Variants in COLEC12 observed in about 807,000 individuals in gnomAD.
COLEC12 encodes collectin-12.
COLEC12 carries 33 observed loss-of-function variants against 71.1 expected under a neutral mutation model. The observed-to-expected ratio is 0.46, with a 90% confidence interval of 0.35 to 0.62. The LOEUF is 0.62. Ranked by LOEUF, COLEC12 falls within the 20% of genes least tolerant of loss-of-function variation. COLEC12 has a pLI of 0.00. For missense variants in COLEC12, 765 were observed against 916.1 expected (o/e 0.84, Z 2.13); for synonymous variants, 350 against 353.0 (o/e 0.99, Z 0.10).
Position 348,106 on chromosome 18 carries a change from T to A in COLEC12, c.239A>T (p.Asp80Val). The change falls in exon 4 of 10, where the codon GAT (aspartate) becomes GTT (valine). Residue 80 changes from aspartate to valine, a missense_variant. Physicochemically the swap from Asp to Val is radical, Grantham distance 152. Transcript: ENST00000400256. ...ACTTTCCACTGCTGTGAGCTTGTCA[T>A]CATAGGTTTGGCGAGATGTTTCCAT... is the stretch of plus-strand genomic sequence containing the variant. ...GGMETSRQTY[D>V]DKLTAVESDL... 1.9e-6 allele frequency: 3 copies of A among 1,614,050 alleles called. No homozygotes were observed. Among genetic ancestry groups the A allele is most frequent in the Non-Finnish European group, 2.5e-6 (3 of 1,179,928 alleles).
intron 2 of COLEC12, among the ~76,000 whole-genome samples, chr18:403,690 AG>A: frequency 6.6e-6 from 1 of 152,348 alleles, no homozygotes; most frequent in Admixed American, 6.5e-5. Context: ...TACCTCCATT[AG>A]GTAACCTAAG....
At chr18:388,027 A>G (rs1037403312) in intron 2 of COLEC12, among the ~76,000 whole-genome samples, 1 of 152,210 alleles carries the variant, frequency 6.6e-6, no homozygotes, top group East Asian at 1.9e-4. Context: ...TCCCCGCAAA[A>G]CAGTTTACGG....
At chr18:392,163 G>A (rs947310617) in intron 2 of COLEC12, among the ~76,000 whole-genome samples, 2 of 152,142 alleles carry the variant, frequency 1.3e-5, no homozygotes, top group African/African-American at 4.8e-5. Flanking sequence ...TTTTTTCTAA[G>A]TTAACTGCAG....
Position 331,795 on chromosome 18 carries a change from G to A in COLEC12, c.1954-18C>T, listed in dbSNP as rs538772767. Reference sequence around the variant, plus strand: ...ATCCATTGCTGAAAAACAAAGCAGGGGTGGTGCGTGACTATTTTTCAGAAC... The same window carrying A: ...ATCCATTGCTGAAAAACAAAGCAGGAGTGGTGCGTGACTATTTTTCAGAAC... On this transcript the variant is annotated intron_variant, in intron 7 of 9. Coordinates refer to ENST00000400256, the MANE Select transcript of COLEC12 (RefSeq NM_130386.3). The A allele has an allele frequency of 2.0e-6, 3 of 1,474,588 alleles. No individual in the cohort carries two copies. The South Asian group carries it at 3.4e-5, about 17-fold the overall frequency. 91.3% of individuals were successfully genotyped at this position (1,474,588 alleles called of 1,614,324 possible). A position where few individuals can be genotyped will look rare whatever the true frequency, so the allele number is the denominator to read the frequency against.
rs11308085 is a variant in COLEC12, at chr18:446,554, ATTTT to A, written c.58+34149_58+34152del. Among the ~76,000 whole-genome samples the A allele has an allele frequency of 1.9e-3, 245 of 130,470 alleles. 4 individuals are homozygous for A. In the South Asian group the frequency reaches 0.027, roughly 15 times the overall value. 85.6% of individuals were successfully genotyped at this position (130,470 alleles called of 152,430 possible). A position where few individuals can be genotyped will look rare whatever the true frequency, so the allele number is the denominator to read the frequency against. ...CTATCTCTGTAAAAAAAAAAAAAAAATTTTTTTTTTTTTTTGTTTAAGTAGCCAG... is the reference window on the plus strand; with the variant it reads ...CTATCTCTGTAAAAAAAAAAAAAAAATTTTTTTTTTTGTTTAAGTAGCCAG... On this transcript the variant is annotated intron_variant, in intron 2 of 9. Coordinates refer to ENST00000400256, the MANE Select transcript of COLEC12 (RefSeq NM_130386.3).
chr18:364,965 G>A (rs896238717), intron 2 of COLEC12, among the ~76,000 whole-genome samples: 3 of 152,130 alleles, frequency 2.0e-5, no homozygotes, highest in African/African-American at 4.8e-5. Context: ...TTTGTGTGTT[G>A]CTTCTCCAAG....
chr18:439,576 GT>G (rs1404818587), intron 2 of COLEC12, among the ~76,000 whole-genome samples: 1 of 151,066 alleles, frequency 6.6e-6, no homozygotes, highest in African/African-American at 2.4e-5. Context: ...TAAAAATAAG[GT>G]TATTGAAATA....
At chr18:321,375 A>G (rs1338609672) in intron 9 of COLEC12, among the ~76,000 whole-genome samples, 1 of 152,198 alleles carries the variant, frequency 6.6e-6, no homozygotes, top group Admixed American at 6.5e-5. Context: ...TTAAAGAACA[A>G]TTAACTCACA....
chr18:324,485 A>AACACAC (rs56732220), intron 8 of COLEC12, among the ~76,000 whole-genome samples: 50 of 151,616 alleles, frequency 3.3e-4, no homozygotes, highest in East Asian at 9.7e-4. Flanking sequence ...GTAAGCTGGA[A>AACACAC]ACACACACAC....
At chr18:496,489 A>G (rs1917715471) in intron 1 of COLEC12, among the ~76,000 whole-genome samples, 1 of 152,166 alleles carries the variant, frequency 6.6e-6, no homozygotes, top group Non-Finnish European at 1.5e-5. Context: ...TTTTGTTTCC[A>G]TTTTCCTTTA....
intron 2 of COLEC12, among the ~76,000 whole-genome samples, chr18:453,092 G>A (rs2143717343): frequency 6.6e-6 from 1 of 152,312 alleles, no homozygotes; most frequent in East Asian, 1.9e-4. Context: ...GAGGTCTCTG[G>A]GGTTTGGTGG....
chr18:443,202 C>T (rs922109394), intron 2 of COLEC12, among the ~76,000 whole-genome samples: 5 of 152,208 alleles, frequency 3.3e-5, no homozygotes, highest in African/African-American at 1.2e-4. Flanking sequence ...CTTAAAAACA[C>T]ATACCTTTCT....
chr18:340,366 C>T (rs571034031), intron 5 of COLEC12, among the ~76,000 whole-genome samples: 1 of 152,166 alleles, frequency 6.6e-6, no homozygotes. Context: ...GAGCTCCAAG[C>T]AGCCCGGGGT....
intron 2 of COLEC12, among the ~76,000 whole-genome samples, chr18:473,514 C>A (rs1278988450): frequency 3.3e-5 from 5 of 152,216 alleles, no homozygotes; most frequent in African/African-American, 1.2e-4. Context: ...CAGGCGCGTG[C>A]CACAGCGCTC....
rs540934240 is a variant in COLEC12, at chr18:335,182, G to T, written c.1376C>A (p.Pro459His). The T allele has an allele frequency of 1.8e-5, 29 of 1,611,670 alleles. No homozygotes were observed. In the African/African-American group the frequency reaches 2.8e-4, roughly 16 times the overall value. Residue 459 changes from proline (P) to histidine (H), a missense_variant, in exon 6 of 10, where the codon CCC (proline) becomes CAC (histidine). Physicochemically the swap from Pro to His is moderately conservative, Grantham distance 77. Transcript: ENST00000400256. ...TCCCTTGTTGCCAGTTGGGCCAGGG[G>T]GTCCCTGGGATCCTCTGTCACCTCT... is the stretch of plus-strand genomic sequence containing the variant. Reference protein sequence around the residue: ...GPRGDRGSQGPPGPTGNKGQK... With the variant: ...GPRGDRGSQGHPGPTGNKGQK...
chr18:500,261 A>C lies in COLEC12; in HGVS notation c.7+247T>G, dbSNP rs534191634. ...CGACTTAGGGCTTCAAACTACTTGC[A>C]AAGACGCGATGGGGAGGGGAATACT... On this transcript the variant is annotated intron_variant, in intron 1 of 9. Coordinates refer to ENST00000400256, the MANE Select transcript of COLEC12 (RefSeq NM_130386.3). This position sits in a 1 kb window ranked among gnomAD's most constrained non-coding sequence, Gnocchi z 5.3. Among the ~76,000 whole-genome samples the C allele has an allele frequency of 8.5e-5, 13 of 152,284 alleles. No individual in the cohort carries two copies. The South Asian group carries it at 2.7e-3, about 32-fold the overall frequency.
chr18:472,779 C>T (rs1917227412), intron 2 of COLEC12, among the ~76,000 whole-genome samples: 1 of 150,728 alleles, frequency 6.6e-6, no homozygotes, highest in South Asian at 2.1e-4. Context: ...TACTAGGCTG[C>T]TGCAGGGCAC....
At chr18:468,210 C>A (rs373655994) in intron 2 of COLEC12, among the ~76,000 whole-genome samples, 1 of 147,422 alleles carries the variant, frequency 6.8e-6, no homozygotes, top group Non-Finnish European at 1.5e-5. Context: ...TGCAGTGAGC[C>A]GAGATCGCAC....
At chr18:447,100 T>G (rs926957716) in intron 2 of COLEC12, among the ~76,000 whole-genome samples, 18 of 152,210 alleles carry the variant, frequency 1.2e-4, no homozygotes, top group Non-Finnish European at 2.4e-4. Flanking sequence ...TTAGGTCAGA[T>G]AGTCACACGT....
Sources: gnomAD v4.1 joint callset for allele counts (sites outside exome capture counted in the v4.1 genomes callset) on GRCh38, gnomAD v4.1.1 for gene constraint, Gnocchi (gnomAD v3.1) non-coding constraint, MANE v1.5 for transcripts, NCBI Gene and HGNC (gene_info 2026-07-23, HGNC 2026-07-21) for gene names.